Variants in BMPR1A observed in about 807,000 individuals in gnomAD.
BMPR1A encodes bone morphogenetic protein receptor type 1A, also known as bone morphogenetic protein receptor type-1A.
BMPR1A carries 7 observed loss-of-function variants against 66.0 expected under a neutral mutation model. The ratio of observed to expected loss-of-function variants is 0.11; its 90% CI spans 0.06 to 0.20. The LOEUF (loss-of-function observed/expected upper bound fraction) is 0.20, where lower values mean the gene tolerates loss of function less well. Ranked by LOEUF, BMPR1A falls within the 10% of genes least tolerant of loss-of-function variation. The probability of loss-of-function intolerance (pLI) is 1.00; values close to 1 mark genes in which losing one functional copy is unlikely to be tolerated. For missense variants in BMPR1A, 408 were observed against 669.1 expected, an observed-to-expected ratio of 0.61 and a Z score of 4.31; for synonymous variants, 200 against 229.7, an observed-to-expected ratio of 0.87 and a Z score of 1.17.
At chr10:86,774,358 A>C (rs1157518247) in intron 1 of BMPR1A, among the ~76,000 whole-genome samples, 1 of 152,118 alleles carries the variant, frequency 6.6e-6, no homozygotes, top group Non-Finnish European at 1.5e-5. Context: ...CCTTTTTGTC[A>C]ATATTCAAGG....
At chr10:86,807,439 G>GT in intron 1 of BMPR1A, among the ~76,000 whole-genome samples, 1 of 152,318 alleles carries the variant, frequency 6.6e-6, no homozygotes, top group Middle Eastern at 3.4e-3. Flanking sequence ...GGAGTGCAGT[G>GT]ACATGATCAT....
At chr10:86,881,972 A>AT (rs1842992360) in intron 3 of BMPR1A, among the ~76,000 whole-genome samples, 1 of 151,988 alleles carries the variant, frequency 6.6e-6, no homozygotes, top group African/African-American at 2.4e-5. Flanking sequence ...ATTACTATTA[A>AT]TTTTTTTAGG....
At chr10:86,868,296 A>C (rs978635880) in intron 2 of BMPR1A, among the ~76,000 whole-genome samples, 2 of 152,210 alleles carry the variant, frequency 1.3e-5, no homozygotes, top group African/African-American at 2.4e-5. Flanking sequence ...TTCAGGGTTT[A>C]TGTTTAGATT....
intron 1 of BMPR1A, among the ~76,000 whole-genome samples, chr10:86,831,495 CCT>C: frequency 6.6e-6 from 1 of 152,248 alleles, no homozygotes; most frequent in East Asian, 1.9e-4. Context: ...GTGGTTTATG[CCT>C]ATAATCCCAG....
chr10:86,776,888 A>G (rs1841357373), intron 1 of BMPR1A, among the ~76,000 whole-genome samples: 3 of 152,120 alleles, frequency 2.0e-5, no homozygotes, highest in Admixed American at 6.5e-5. Context: ...TACCTCAGCT[A>G]TCATGGTCAT....
intron 1 of BMPR1A, among the ~76,000 whole-genome samples, chr10:86,782,893 T>C (rs1357910783): frequency 6.6e-6 from 1 of 152,248 alleles, no homozygotes; most frequent in East Asian, 1.9e-4. Flanking sequence ...TAATTCTGTG[T>C]CTATTTTTGC....
intron 3 of BMPR1A, among the ~76,000 whole-genome samples, chr10:86,879,443 T>G (rs1244089616): frequency 1.3e-5 from 2 of 152,150 alleles, no homozygotes; most frequent in Non-Finnish European, 2.9e-5. Flanking sequence ...CTGCTGAGAG[T>G]AGAGGGCTGC....
rs1035058655 is a variant in BMPR1A at position 86,867,848 on chromosome 10, T to C, written c.-152-8019T>C. ...GTGGTCCTGGAAGAGTTTATACTTG[T>C]GTTGGGGAAACTATCTTGGCATAGA... On this transcript the variant is annotated intron_variant, in intron 2 of 12. Coordinates refer to ENST00000372037, the MANE Select transcript of BMPR1A (RefSeq NM_004329.3). 2.0e-5 allele frequency among the ~76,000 whole-genome samples: 3 copies of C among 152,210 alleles called. No individual in the cohort carries two copies. In the East Asian group the frequency reaches 5.8e-4, roughly 29 times the overall value.
chr10:86,807,071 G>C (rs2125054), intron 1 of BMPR1A, among the ~76,000 whole-genome samples: 74,062 of 151,840 alleles, frequency 0.49, 19,192 homozygotes, highest in East Asian at 0.76. Flanking sequence ...CCTGGTTTCT[G>C]TTAGTGGGAT....
At position 86,857,043 on chromosome 10, in the gene BMPR1A, G is replaced by C. The variant is rs75434425; in HGVS notation, c.-153+18064G>C. Among the ~76,000 whole-genome samples the C allele has an allele frequency of 0.011, 1,646 of 152,260 alleles. 76 individuals are homozygous for C. In the East Asian group the frequency reaches 0.14, roughly 13 times the overall value. ...TGTCACCCTCTTGACACATCAGTAT[G>C]CTCACCAATGAGGAAGCCTACCTGA... On this transcript the variant is annotated intron_variant, in intron 2 of 12. Coordinates refer to ENST00000372037, the MANE Select transcript of BMPR1A (RefSeq NM_004329.3).
chr10:86,847,708 T>C (rs1432831779), intron 2 of BMPR1A, among the ~76,000 whole-genome samples: 1 of 151,848 alleles, frequency 6.6e-6, no homozygotes, highest in Non-Finnish European at 1.5e-5. Flanking sequence ...ATAAAGATTA[T>C]GTAAGCAGCC....
chr10:86,891,961 G>A (rs1201512831), intron 4 of BMPR1A, among the ~76,000 whole-genome samples, 166 bp from the exon 5 acceptor site: 1 of 152,178 alleles, frequency 6.6e-6, no homozygotes, highest in Non-Finnish European at 1.5e-5. Context: ...ACTTTCATTT[G>A]TCTTAAAACC....
At chr10:86,829,757 C>G (rs556851449) in intron 1 of BMPR1A, among the ~76,000 whole-genome samples, 4 of 152,276 alleles carry the variant, frequency 2.6e-5, no homozygotes, top group African/African-American at 9.6e-5. Flanking sequence ...CAGTTCTTTC[C>G]TTTTTATTGC....
At chr10:86,869,879 T>C (rs1842833430) in intron 2 of BMPR1A, among the ~76,000 whole-genome samples, 1 of 152,210 alleles carries the variant, frequency 6.6e-6, no homozygotes, top group Admixed American at 6.5e-5. Context: ...TTTGTTGAAA[T>C]GTTTACTGAG....
intron 1 of BMPR1A, among the ~76,000 whole-genome samples, chr10:86,785,558 C>T (rs1271735696): frequency 6.6e-6 from 1 of 152,228 alleles, no homozygotes; most frequent in Non-Finnish European, 1.5e-5. Context: ...GCCCACTTGG[C>T]CTCCCAAAGC....
intron 1 of BMPR1A, among the ~76,000 whole-genome samples, chr10:86,821,488 T>C (rs1429035048): frequency 6.6e-6 from 1 of 152,200 alleles, no homozygotes; most frequent in African/African-American, 2.4e-5. Flanking sequence ...TGATTTTTTT[T>C]AAATGTGGAT....
At chr10:86,863,435 T>A (rs1185947070) in intron 2 of BMPR1A, among the ~76,000 whole-genome samples, 1 of 152,238 alleles carries the variant, frequency 6.6e-6, no homozygotes, top group Non-Finnish European at 1.5e-5. Context: ...CCTTTAATCC[T>A]CATATTAGCT....
At chr10:86,917,786 G>A (rs528921800) in intron 9 of BMPR1A, among the ~76,000 whole-genome samples, 1 of 152,256 alleles carries the variant, frequency 6.6e-6, no homozygotes, top group South Asian at 2.1e-4. Context: ...TACATAAGCC[G>A]ATCTGGCTAT....
chr10:86,868,738 CTG>C (rs1842815677), intron 2 of BMPR1A, among the ~76,000 whole-genome samples: 2 of 146,042 alleles, frequency 1.4e-5, no homozygotes, highest in Non-Finnish European at 3.0e-5. Context: ...TGACTTTACT[CTG>C]TAGTCTGTTT....
Sources: allele counts gnomAD v4.1 joint callset (sites outside exome capture counted in the v4.1 genomes callset), GRCh38; gene constraint gnomAD v4.1.1; transcripts MANE v1.5; gene names NCBI Gene and HGNC (gene_info 2026-07-23, HGNC 2026-07-21).